Variants in SLC6A11 observed in about 807,000 individuals in gnomAD.
SLC6A11 encodes sodium- and chloride-dependent GABA transporter 3.
In SLC6A11, 25 loss-of-function variants were observed where a neutral mutation model predicts 74.8. The ratio of observed to expected loss-of-function variants is 0.33; its 90% CI spans 0.24 to 0.47. The LOEUF (loss-of-function observed/expected upper bound fraction) is 0.47, where lower values mean the gene tolerates loss of function less well. SLC6A11 is among the 20% of genes least tolerant of loss of function. SLC6A11 has a pLI of 1.00. For missense variants in SLC6A11, 574 were observed against 837.0 expected, an observed-to-expected ratio of 0.69 and a Z score of 3.88; for synonymous variants, 330 against 330.2, an observed-to-expected ratio of 1.00 and a Z score of 0.01.
At chr3:10,925,946 G>A (rs1349681739) in intron 8 of SLC6A11, 58 bp from the exon 9 acceptor site, 7 of 922,958 alleles carry the variant, frequency 7.6e-6, no homozygotes, top group East Asian at 2.4e-5. Context: ...GATTAAAATA[G>A]CAATGATATG....
chr3:10,828,429 G>A (rs1254563730), intron 4 of SLC6A11, among the ~76,000 whole-genome samples: 1 of 152,182 alleles, frequency 6.6e-6, no homozygotes, highest in African/African-American at 2.4e-5. Flanking sequence ...TCACGTGAAT[G>A]TTTTAATTGA....
intron 6 of SLC6A11, among the ~76,000 whole-genome samples, chr3:10,890,751 T>C (rs566296396): frequency 6.6e-6 from 1 of 152,346 alleles, no homozygotes; most frequent in South Asian, 2.1e-4. Context: ...TACATTTTCT[T>C]CTTGTTGGAG....
At chr3:10,823,595 T>C in intron 4 of SLC6A11, 1 of 540,124 alleles carries the variant, frequency 1.9e-6, no homozygotes, top group Non-Finnish European at 3.4e-6. Context: ...AGAAATGTTT[T>C]CTTGTTCTTT....
In SLC6A11 at chr3:10,875,787, A is replaced by G. The variant is rs79527813; in HGVS notation, c.891+692A>G. Among the ~76,000 whole-genome samples, 3 of 152,218 alleles carry G rather than the reference A, an allele frequency of 2.0e-5. No homozygotes were observed. In the East Asian group the frequency reaches 5.8e-4, roughly 29 times the overall value. On this transcript the variant is annotated intron_variant, in intron 6 of 13. Transcript: ENST00000254488. ...GTGCCCTGGAATACGTTAAACAGAT[A>G]AAAACAGAACATCTCACAAGCCTGG...
At chr3:10,889,384 G>A (rs1695082204) in intron 6 of SLC6A11, among the ~76,000 whole-genome samples, 1 of 152,084 alleles carries the variant, frequency 6.6e-6, no homozygotes, top group African/African-American at 2.4e-5. Flanking sequence ...AATGTGTAAT[G>A]TCACGCACCC....
At chr3:10,858,128 T>A (rs1019527636) in intron 5 of SLC6A11, among the ~76,000 whole-genome samples, 1 of 152,220 alleles carries the variant, frequency 6.6e-6, no homozygotes, top group Non-Finnish European at 1.5e-5. Flanking sequence ...AAAGGGTGGT[T>A]GTGTCAATCA....
At chr3:10,871,894 C>T (rs1392022061) in intron 5 of SLC6A11, among the ~76,000 whole-genome samples, 1 of 152,206 alleles carries the variant, frequency 6.6e-6, no homozygotes, top group Non-Finnish European at 1.5e-5. Context: ...AGGTTACCAT[C>T]ATTGCAGAAC....
chr3:10,893,587 C>T lies in SLC6A11; in HGVS notation c.891+18492C>T, dbSNP rs537131051. Among the ~76,000 whole-genome samples the T allele has an allele frequency of 2.3e-3, 353 of 152,276 alleles. 1 individual carries two copies. The highest frequency in any genetic ancestry group is 4.4e-3 in the South Asian group (21 of 4,824). ...TTTCCTCAGTTTCCCCCCACTGATG[C>T]AAGCATGAGTTACTGGGCACAAAGC... On this transcript the variant is annotated intron_variant, in intron 6 of 13. Coordinates refer to ENST00000254488, the MANE Select transcript of SLC6A11 (RefSeq NM_014229.3).
chr3:10,902,171 G>A (rs1176861477), intron 6 of SLC6A11, among the ~76,000 whole-genome samples: 1 of 152,128 alleles, frequency 6.6e-6, no homozygotes, highest in Non-Finnish European at 1.5e-5. Context: ...GCCCCAGGAG[G>A]GCCCCAAGCT....
At chr3:10,876,131 T>G (rs551371910) in intron 6 of SLC6A11, among the ~76,000 whole-genome samples, 259 of 152,190 alleles carry the variant, frequency 1.7e-3, no homozygotes, top group Non-Finnish European at 2.8e-3. Context: ...TAGGGGAGCT[T>G]GTGGGGGAAG....
At chr3:10,904,257 G>A (rs902961479) in intron 6 of SLC6A11, among the ~76,000 whole-genome samples, 1 of 152,226 alleles carries the variant, frequency 6.6e-6, no homozygotes, top group African/African-American at 2.4e-5. Context: ...CAGCCCTGTG[G>A]TCATAGCTGG....
At chr3:10,935,431 A>C (rs1418615874) in intron 13 of SLC6A11, 1 of 528,164 alleles carries the variant, frequency 1.9e-6, no homozygotes, top group Non-Finnish European at 3.4e-6. Context: ...TCCTGTCTGT[A>C]AAATGGGATA....
At chr3:10,898,636 T>A (rs1412254188) in intron 6 of SLC6A11, among the ~76,000 whole-genome samples, 3 of 152,240 alleles carry the variant, frequency 2.0e-5, no homozygotes, top group Non-Finnish European at 4.4e-5. Flanking sequence ...GATTTCATTG[T>A]CCATGTCATT....
At chr3:10,899,164 G>A (rs965246048) in intron 6 of SLC6A11, among the ~76,000 whole-genome samples, 3 of 152,176 alleles carry the variant, frequency 2.0e-5, no homozygotes, top group Admixed American at 6.5e-5. Context: ...TGAGATTTGG[G>A]TGGGGACACA....
At chr3:10,862,612 G>A (rs1694715538) in intron 5 of SLC6A11, among the ~76,000 whole-genome samples, 1 of 152,192 alleles carries the variant, frequency 6.6e-6, no homozygotes, top group African/African-American at 2.4e-5. Flanking sequence ...CCTGCTTTGT[G>A]TCCTGGGTTC....
chr3:10,847,598 C>T (rs757517018), intron 5 of SLC6A11, among the ~76,000 whole-genome samples: 14 of 152,116 alleles, frequency 9.2e-5, no homozygotes, highest in South Asian at 4.2e-4. Flanking sequence ...GAGCCTTGCC[C>T]GAGGTCACAT....
Position 10,891,394 on chromosome 3 carries a change from A to G in SLC6A11, c.891+16299A>G, listed in dbSNP as rs1172133320. ...GATATATTGAATATTCAAGTAGCCA[A>G]TTAATATTAAGGGAGATACCCTTAT... On this transcript the variant is annotated intron_variant, in intron 6 of 13. Transcript: ENST00000254488. 4.6e-5 allele frequency among the ~76,000 whole-genome samples: 7 copies of G among 152,342 alleles called. No homozygotes were observed. The East Asian group carries it at 9.6e-4, about 21-fold the overall frequency.
In SLC6A11 at chr3:10,876,244, C is replaced by T. The variant is rs576708559; in HGVS notation, c.891+1149C>T. On this transcript the variant is annotated intron_variant, in intron 6 of 13. Transcript: ENST00000254488. ...TCTCAGTTTGCCATGCCTTGCAGGG[C>T]CTTGAGGCTGAGGATACCACTAGGC... Among the ~76,000 whole-genome samples the T allele has an allele frequency of 7.2e-5, 11 of 152,192 alleles. No individual in the cohort carries two copies. In the South Asian group the frequency reaches 2.1e-3, roughly 29 times the overall value.
intron 6 of SLC6A11, among the ~76,000 whole-genome samples, chr3:10,909,309 A>G (rs1695352654): frequency 6.6e-6 from 1 of 152,152 alleles, no homozygotes; most frequent in Admixed American, 6.5e-5. Flanking sequence ...GGAAAGATGG[A>G]TGCTAAGTAG....
Sources: allele counts gnomAD v4.1 joint callset (sites outside exome capture counted in the v4.1 genomes callset), GRCh38; gene constraint gnomAD v4.1.1; transcripts MANE v1.5; gene names NCBI Gene and HGNC (gene_info 2026-07-23, HGNC 2026-07-21).